The following FAM13A variants were observed in gnomAD, a reference collection of about 807,000 sequenced individuals.
FAM13A encodes protein FAM13A.
FAM13A carries 76 observed loss-of-function variants against 129.6 expected under a neutral mutation model. The ratio of observed to expected loss-of-function variants is 0.59; its 90% CI spans 0.49 to 0.71. The LOEUF is 0.71. Ranked by LOEUF, FAM13A falls within the 30% of genes least tolerant of loss-of-function variation. FAM13A has a pLI of 0.00. For missense variants in FAM13A, 1,108 were observed against 1,249.3 expected (o/e 0.89, Z 1.70); for synonymous variants, 443 against 449.9 (o/e 0.98, Z 0.20).
intron 4 of FAM13A, among the ~76,000 whole-genome samples, chr4:88,977,911 A>C (rs774560742): frequency 9.2e-5 from 14 of 152,326 alleles, no homozygotes; most frequent in Middle Eastern, 3.4e-3. Context: ...TCTAGAGGAT[A>C]ATGTATAATA....
chr4:88,824,573 T>G (rs560519824), intron 7 of FAM13A, among the ~76,000 whole-genome samples: 1 of 152,352 alleles, frequency 6.6e-6, no homozygotes. Context: ...TTATTTCAAC[T>G]GAAATTGTCT....
At chr4:88,942,076 T>C (rs186070421) in intron 4 of FAM13A, among the ~76,000 whole-genome samples, 81 of 152,178 alleles carry the variant, frequency 5.3e-4, no homozygotes, top group African/African-American at 1.9e-3. Flanking sequence ...GACTTTCTCA[T>C]GAATAAAAAT....
intron 1 of FAM13A, among the ~76,000 whole-genome samples, chr4:89,039,181 T>A (rs1769785175): frequency 6.6e-6 from 1 of 152,054 alleles, no homozygotes; most frequent in Non-Finnish European, 1.5e-5. Context: ...AAGAAACAAA[T>A]CCAGAAGGAG....
intron 1 of FAM13A, among the ~76,000 whole-genome samples, chr4:89,047,203 T>C (rs1279768588): frequency 6.6e-6 from 1 of 152,176 alleles, no homozygotes; most frequent in South Asian, 2.1e-4. Flanking sequence ...GCATAATCTG[T>C]TTTTATAAGT....
intron 9 of FAM13A, among the ~76,000 whole-genome samples, chr4:88,788,770 C>T (rs1469434913): frequency 2.0e-5 from 3 of 152,052 alleles, no homozygotes; most frequent in African/African-American, 7.2e-5. Context: ...TTTTTCTTCG[C>T]TTGAAAAAGA....
At chr4:88,820,557 T>C (rs144151609) in intron 7 of FAM13A, among the ~76,000 whole-genome samples, 1 of 152,358 alleles carries the variant, frequency 6.6e-6, no homozygotes, top group East Asian at 1.9e-4. Context: ...AGGTCAGATA[T>C]TAAATATGCT....
In FAM13A at chr4:89,020,718, T is replaced by G. The variant is rs72665876; in HGVS notation, c.218-49A>C. The G allele has an allele frequency of 2.4e-6, 3 of 1,244,560 alleles. No homozygotes were observed. In the African/African-American group the frequency reaches 4.4e-5, roughly 18 times the overall value. 77.1% of individuals were successfully genotyped at this position (1,244,560 alleles called of 1,614,324 possible). The stretch of plus-strand genomic sequence containing the variant: ...AAAATAAATAGGTTTCTCACAGACA[T>G]GAAACGTAAAGAATGATAACAACAC... On this transcript the variant is annotated intron_variant, in intron 2 of 23. Coordinates refer to ENST00000264344, the MANE Select transcript of FAM13A (RefSeq NM_014883.4).
At chr4:88,943,145 AT>A (rs1319450922) in intron 4 of FAM13A, among the ~76,000 whole-genome samples, 1 of 152,222 alleles carries the variant, frequency 6.6e-6, no homozygotes, top group Non-Finnish European at 1.5e-5. Flanking sequence ...TTGTGATCCT[AT>A]TATTGATAAG....
rs1474304861 is a variant in FAM13A, at chr4:88,787,782, C to A, written c.1242G>T (p.Glu414Asp). The A allele has an allele frequency of 1.2e-6, 2 of 1,613,552 alleles. No homozygotes were observed. The highest frequency in any genetic ancestry group is 2.2e-5 in the East Asian group (1 of 44,870). ...SARQRRRQSK[E>D]QDEVRHGRDK... ...CTCTCCCATGTCGAACTTCATCCTG[C>A]TCCTTGGACTGGCGGCGGCGCTGTC... Residue 414 changes from glutamate (E) to aspartate (D), a missense_variant, in exon 10 of 24, where the codon GAG (glutamate) becomes GAT (aspartate). Glu to Asp is a conservative substitution (Grantham distance 45, BLOSUM62 2). Transcript: ENST00000264344.
At chr4:88,902,236 A>G (rs899126559) in intron 6 of FAM13A, among the ~76,000 whole-genome samples, 7 of 151,930 alleles carry the variant, frequency 4.6e-5, no homozygotes, top group African/African-American at 1.7e-4. Context: ...AAAAGGAGGG[A>G]CTCCTCCCTA....
rs559397345 is a variant in FAM13A at position 88,756,286 on chromosome 4, G to GA, written c.1726+2467dup. 3.3e-5 allele frequency among the ~76,000 whole-genome samples: 5 copies of GA among 152,274 alleles called. No homozygotes were observed. The East Asian group carries it at 9.6e-4, about 29-fold the overall frequency. ...GACTCGGATCCTACATTCACTTTGC[G>GA]AGAGTTCCATTCCACATGTCCTACG... On this transcript the variant is annotated intron_variant, in intron 14 of 23. Transcript: ENST00000264344.
intron 21 of FAM13A, among the ~76,000 whole-genome samples, chr4:88,736,969 A>G (rs72663468): frequency 0.038 from 5,853 of 152,320 alleles, 192 homozygotes; most frequent in Non-Finnish European, 0.057. Flanking sequence ...GTCAAAGACT[A>G]CTAAGATATT....
rs1736526613 is a variant in FAM13A, at chr4:88,726,636, AT to A, written c.*1896del. The A allele has an allele frequency of 7.5e-6, 1 of 133,788 alleles. No individual in the cohort carries two copies. The highest frequency in any genetic ancestry group is 1.6e-5 in the Non-Finnish European group (1 of 63,972). 8.3% of individuals were successfully genotyped at this position (133,788 alleles called of 1,614,324 possible). On this transcript the variant is annotated 3_prime_UTR_variant, in exon 24 of 24. Coordinates refer to ENST00000264344, the MANE Select transcript of FAM13A (RefSeq NM_014883.4). Reference sequence around the variant, plus strand: ...CTATTAAAGGACAGACTAGACATGTATTTTTAAAAAAACACAATTTTTGGTC... The same window carrying A: ...CTATTAAAGGACAGACTAGACATGTATTTTAAAAAAACACAATTTTTGGTC...
At chr4:88,996,043 G>A (rs1031544630) in intron 3 of FAM13A, among the ~76,000 whole-genome samples, 2 of 152,136 alleles carry the variant, frequency 1.3e-5, no homozygotes, top group Non-Finnish European at 2.9e-5. Context: ...AATAAATAAG[G>A]AAGTGTGTAG....
intron 3 of FAM13A, among the ~76,000 whole-genome samples, chr4:89,016,201 A>C (rs984450116): frequency 5.8e-5 from 5 of 86,178 alleles, no homozygotes; most frequent in Non-Finnish European, 8.5e-5. Context: ...AAAAAAAAAA[A>C]CACAATTTTA....
chr4:88,925,845 A>T (rs1262128918), intron 5 of FAM13A, among the ~76,000 whole-genome samples: 2 of 152,126 alleles, frequency 1.3e-5, no homozygotes, highest in Non-Finnish European at 2.9e-5. Context: ...TTCTAACAGA[A>T]GGAGAAAGAA....
At chr4:89,042,864 TA>T (rs1770340300) in intron 1 of FAM13A, among the ~76,000 whole-genome samples, 1 of 152,224 alleles carries the variant, frequency 6.6e-6, no homozygotes, top group Non-Finnish European at 1.5e-5. Flanking sequence ...CAAATTAGAC[TA>T]AAAACATTCT....
intron 23 of FAM13A, chr4:88,730,012 T>G: frequency 6.6e-6 from 1 of 152,218 alleles, no homozygotes; most frequent in African/African-American, 2.4e-5. Context: ...TAAAAATATA[T>G]GAGACATATC....
At chr4:89,048,623 T>C (rs1174419738) in intron 1 of FAM13A, among the ~76,000 whole-genome samples, 1 of 152,108 alleles carries the variant, frequency 6.6e-6, no homozygotes, top group African/African-American at 2.4e-5. Context: ...GAAAAGAAAG[T>C]CAACAAGTGC....
Sources: gnomAD v4.1 joint callset for allele counts (sites outside exome capture counted in the v4.1 genomes callset) on GRCh38, gnomAD v4.1.1 for gene constraint, MANE v1.5 for transcripts, NCBI Gene and HGNC (gene_info 2026-07-23, HGNC 2026-07-21) for gene names.